The following GCH1 variants were observed in gnomAD, a reference collection of about 807,000 sequenced individuals.
GCH1 encodes the protein GTP cyclohydrolase 1.
Under a neutral mutation model 25.9 loss-of-function variants are expected in GCH1, and 5 were observed. The ratio of observed to expected loss-of-function variants is 0.19; its 90% CI spans 0.10 to 0.41. GCH1 has a LOEUF of 0.41. GCH1 is among the 10% of genes least tolerant of loss of function. GCH1 has a pLI of 1.00. For missense variants in GCH1, 261 were observed against 336.5 expected, an observed-to-expected ratio of 0.78 and a Z score of 1.75; for synonymous variants, 159 against 129.6, an observed-to-expected ratio of 1.23 and a Z score of -1.54.
At chr14:54,893,669 C>T (rs938956562) in intron 1 of GCH1, among the ~76,000 whole-genome samples, 2 of 152,200 alleles carry the variant, frequency 1.3e-5, no homozygotes, top group African/African-American at 4.8e-5. Context: ...CTCTGTGCCC[C>T]AATTTCCTTA....
intron 5 of GCH1, among the ~76,000 whole-genome samples, chr14:54,844,650 C>G (rs1031895425): frequency 3.3e-5 from 5 of 152,184 alleles, no homozygotes; most frequent in African/African-American, 1.2e-4. Context: ...TCTGAGCAAC[C>G]TGGTGACATT....
intron 1 of GCH1, among the ~76,000 whole-genome samples, chr14:54,876,966 GA>G (rs2040171263): frequency 6.6e-6 from 1 of 151,982 alleles, no homozygotes; most frequent in African/African-American, 2.4e-5. Context: ...TTAAATCAAA[GA>G]GAAAAAAAAT....
intron 3 of GCH1, among the ~76,000 whole-genome samples, chr14:54,847,385 GT>G (rs2039658680): frequency 4.6e-5 from 7 of 152,304 alleles, no homozygotes; most frequent in Non-Finnish European, 8.8e-5. Context: ...TAACATTTGA[GT>G]CAGTGGGCTG....
intron 1 of GCH1, among the ~76,000 whole-genome samples, chr14:54,867,042 T>C (rs1428489750): frequency 6.6e-6 from 1 of 152,212 alleles, no homozygotes; most frequent in Non-Finnish European, 1.5e-5. Flanking sequence ...AAAAGTTTCT[T>C]GGATTTCTCC....
chr14:54,848,297 C>T (rs1004930297), intron 3 of GCH1, among the ~76,000 whole-genome samples: 2 of 152,004 alleles, frequency 1.3e-5, no homozygotes, highest in Admixed American at 6.6e-5. Flanking sequence ...TCACCATGCT[C>T]GGCTAATTTT....
At chr14:54,878,431 C>T (rs1038324374) in intron 1 of GCH1, among the ~76,000 whole-genome samples, 1 of 152,184 alleles carries the variant, frequency 6.6e-6, no homozygotes, top group African/African-American at 2.4e-5. Flanking sequence ...GGCATCACAC[C>T]TCTGCTTTTG....
Position 54,880,501 on chromosome 14 carries a change from CAT to C in GCH1, c.344-15067_344-15066del, listed in dbSNP as rs1200018608. The stretch of plus-strand genomic sequence containing the variant: ...ATACACTCCATATATATATATACTC[CAT>C]ATATATATATACTCCATATATATAT... On this transcript the variant is annotated intron_variant, in intron 1 of 5. Coordinates refer to ENST00000491895, the MANE Select transcript of GCH1 (RefSeq NM_000161.3). Among the ~76,000 whole-genome samples the C allele has an allele frequency of 3.4e-3, 309 of 90,134 alleles. 38 individuals carry two copies. Among genetic ancestry groups the C allele is most frequent in the South Asian group, 5.2e-3 (14 of 2,716 alleles). The allele number at this position is 90,134 out of a possible 152,430, so 59.1% of individuals were successfully genotyped here. A position where few individuals can be genotyped will look rare whatever the true frequency, so the allele number is the denominator to read the frequency against.
At chr14:54,875,189 C>A (rs1724947261) in intron 1 of GCH1, among the ~76,000 whole-genome samples, 1 of 152,186 alleles carries the variant, frequency 6.6e-6, no homozygotes, top group African/African-American at 2.4e-5. Flanking sequence ...ACCATCCGAT[C>A]TTTGACAAAC....
At chr14:54,880,386 AAT>A (rs1477213703) in intron 1 of GCH1, among the ~76,000 whole-genome samples, 1 of 142,316 alleles carries the variant, frequency 7.0e-6, no homozygotes, top group Non-Finnish European at 1.5e-5. Flanking sequence ...TATATAATAT[AAT>A]ATATATTATA....
intron 1 of GCH1, among the ~76,000 whole-genome samples, chr14:54,894,296 T>C (rs1284428802): frequency 6.6e-6 from 1 of 152,050 alleles, no homozygotes; most frequent in Non-Finnish European, 1.5e-5. Flanking sequence ...AACAAAAACA[T>C]GGACACTGAC....
At position 54,902,426 on chromosome 14, in the gene GCH1, T is replaced by C; in HGVS notation, c.238A>G (p.Ser80Gly). ...CGCTGGGGGTTCTCGCCCAGCGAGC[T>C]CAGGATGGACGAGTAGGCGGCTGCC... Reference protein sequence around the residue: ...NLAAAYSSILSSLGENPQRQG... With the variant: ...NLAAAYSSILGSLGENPQRQG... The change falls in exon 1 of 6, where the codon AGC becomes GGC. Residue 80 changes from serine to glycine, a missense_variant. Coordinates refer to ENST00000491895, the MANE Select transcript of GCH1 (RefSeq NM_000161.3). The C allele has an allele frequency of 1.2e-6, 2 of 1,613,014 alleles. No individual in the cohort carries two copies. Among genetic ancestry groups the C allele is most frequent in the Non-Finnish European group, 1.7e-6 (2 of 1,179,796 alleles).
At chr14:54,882,851 G>A (rs906896802) in intron 1 of GCH1, among the ~76,000 whole-genome samples, 4 of 152,190 alleles carry the variant, frequency 2.6e-5, no homozygotes, top group African/African-American at 9.7e-5. Context: ...CATCATTAGT[G>A]ACAGATGAAG....
intron 5 of GCH1, among the ~76,000 whole-genome samples, chr14:54,845,433 G>A (rs541165551): frequency 8.7e-5 from 13 of 149,252 alleles, no homozygotes; most frequent in African/African-American, 3.2e-4. Flanking sequence ...AGCCGAGATT[G>A]CACCACTGCA....
rs1348970793 is a variant in GCH1, at chr14:54,845,839, A to G, written c.555T>C (p.Leu185=). The G allele has an allele frequency of 1.2e-6, 2 of 1,601,932 alleles. No homozygotes were observed. The highest frequency in any genetic ancestry group is 2.2e-5 in the South Asian group (2 of 90,810). Residue 185 remains leucine, a synonymous_variant, in exon 5 of 6, where the codon CTT becomes CTC. Transcript: ENST00000491895. ...YSRRLQVQER[L]TKQIAVAITE... ...TGATTGCTACAGCAATTTGTTTTGT[A>G]AGGCGCTCCTGAACTGTGGATGTGA... is the stretch of plus-strand genomic sequence containing the variant.
rs143558870 is a variant in GCH1 at position 54,884,140 on chromosome 14, C to G, written c.343+18181G>C. 3.7e-3 allele frequency among the ~76,000 whole-genome samples: 571 copies of G among 152,290 alleles called. 4 individuals are homozygous for G. The highest frequency in any genetic ancestry group is 0.013 in the African/African-American group (543 of 41,562). On this transcript the variant is annotated intron_variant, in intron 1 of 5. Coordinates refer to ENST00000491895, the MANE Select transcript of GCH1 (RefSeq NM_000161.3). ...ACCATGACCTCAAGCAACTTGAGATCTGCAGAAATAAGAGGCCTAGGTGTA... is the reference window on the plus strand; with the variant it reads ...ACCATGACCTCAAGCAACTTGAGATGTGCAGAAATAAGAGGCCTAGGTGTA...
At chr14:54,883,469 G>A (rs1345961830) in intron 1 of GCH1, among the ~76,000 whole-genome samples, 13 of 151,570 alleles carry the variant, frequency 8.6e-5, no homozygotes, top group African/African-American at 3.1e-4. Flanking sequence ...CACGAGGTCA[G>A]GAAATCGTGA....
At chr14:54,872,782 C>T (rs2040100063) in intron 1 of GCH1, among the ~76,000 whole-genome samples, 1 of 152,168 alleles carries the variant, frequency 6.6e-6, no homozygotes, top group Non-Finnish European at 1.5e-5. Flanking sequence ...GGGATCAATT[C>T]AATTCAACAA....
intron 1 of GCH1, among the ~76,000 whole-genome samples, chr14:54,876,074 A>G (rs1240124067): frequency 6.6e-6 from 1 of 152,252 alleles, no homozygotes; most frequent in Non-Finnish European, 1.5e-5. Context: ...ACTATTCACA[A>G]TAGCAAAGAC....
intron 3 of GCH1, among the ~76,000 whole-genome samples, chr14:54,850,305 CTTTTTTTTT>C (rs763310228): frequency 2.6e-5 from 3 of 117,030 alleles, no homozygotes; most frequent in Non-Finnish European, 5.3e-5. Context: ...TAAGTAGGTT[CTTTTTTTTT>C]TTTTTTTTTT....
Sources: gnomAD v4.1 joint callset for allele counts (sites outside exome capture counted in the v4.1 genomes callset) on GRCh38, gnomAD v4.1.1 for gene constraint, MANE v1.5 for transcripts, NCBI Gene and HGNC (gene_info 2026-07-23, HGNC 2026-07-21) for gene names.